MTFR1: variants seen among roughly 807,000 people sequenced by gnomAD.
MTFR1 encodes chondrocyte protein with a poly-proline region.
A neutral mutation model predicts 38.8 loss-of-function variants in MTFR1; 28 were observed. The observed-to-expected ratio is 0.72, with a 90% CI of 0.53 to 0.99. MTFR1 has a LOEUF of 0.99. Ranked by LOEUF, MTFR1 falls within the 50% of genes least tolerant of loss-of-function variation. The pLI, the probability that MTFR1 is intolerant of heterozygous loss-of-function variation, is 0.00. For missense variants in MTFR1, 358 were observed against 395.5 expected (o/e 0.91, Z 0.81); for synonymous variants, 145 against 137.0 (o/e 1.06, Z -0.41).
At chr8:65,674,767 T>G (rs1804664467) in intron 2 of MTFR1, among the ~76,000 whole-genome samples, 2 of 152,202 alleles carry the variant, frequency 1.3e-5, no homozygotes, top group South Asian at 4.1e-4. Context: ...CTTGGCTTAC[T>G]ATGCCAGTGC....
intron 3 of MTFR1, among the ~76,000 whole-genome samples, chr8:65,758,462 T>C (rs1435551160): frequency 2.6e-5 from 4 of 152,174 alleles, no homozygotes; most frequent in African/African-American, 4.8e-5. Context: ...CAAGAATTTA[T>C]AGTCATATCA....
chr8:65,752,193 C>G (rs888193708), intron 3 of MTFR1, among the ~76,000 whole-genome samples: 8 of 152,148 alleles, frequency 5.3e-5, no homozygotes, highest in Admixed American at 4.6e-4. Flanking sequence ...TTGTTAGTTA[C>G]CAGAGCATAT....
At chr8:65,745,592 A>G (rs1209149373) in intron 3 of MTFR1, 7 of 609,754 alleles carry the variant, frequency 1.1e-5, no homozygotes, top group African/African-American at 1.9e-5. Context: ...AAATACAAGT[A>G]TCATTTTTCT....
intron 2 of MTFR1, among the ~76,000 whole-genome samples, chr8:65,673,048 GA>G (rs1402372097): frequency 2.0e-5 from 3 of 152,188 alleles, no homozygotes; most frequent in African/African-American, 7.2e-5. Flanking sequence ...ATTTGGGCCA[GA>G]GACCTAGTTT....
intron 1 of MTFR1, among the ~76,000 whole-genome samples, chr8:65,651,145 C>T (rs763120308): frequency 8.5e-5 from 13 of 152,256 alleles, no homozygotes; most frequent in Non-Finnish European, 1.9e-4. Context: ...TTAGATTATT[C>T]GATTTCTTTC....
intron 3 of MTFR1, among the ~76,000 whole-genome samples, chr8:65,765,244 C>T (rs1808708443): frequency 6.6e-6 from 1 of 151,980 alleles, no homozygotes; most frequent in Non-Finnish European, 1.5e-5. Flanking sequence ...AATCCCAGCA[C>T]TTTGGGAGGC....
At chr8:65,658,095 ATCT>A (rs150706947) in intron 1 of MTFR1, among the ~76,000 whole-genome samples, 2,842 of 152,284 alleles carry the variant, frequency 0.019, 26 homozygotes, top group African/African-American at 0.026. Flanking sequence ...TATTCTATTA[ATCT>A]TCTTATTTTC....
At chr8:65,743,123 G>A (rs1287357583) in intron 3 of MTFR1, among the ~76,000 whole-genome samples, 1 of 151,696 alleles carries the variant, frequency 6.6e-6, no homozygotes, top group Non-Finnish European at 1.5e-5. Flanking sequence ...TAGGCTATGA[G>A]CTGTGAGAGT....
At chr8:65,768,284 T>C (rs1375434044) in intron 3 of MTFR1, among the ~76,000 whole-genome samples, 1 of 152,216 alleles carries the variant, frequency 6.6e-6, no homozygotes, top group Non-Finnish European at 1.5e-5. Flanking sequence ...AATTCTGATA[T>C]GGTTTGGCTG....
chr8:65,696,685 G>C (rs138602195), intron 4 of MTFR1, among the ~76,000 whole-genome samples: 1 of 151,868 alleles, frequency 6.6e-6, no homozygotes, highest in Admixed American at 6.6e-5. Flanking sequence ...TTTTGAGACA[G>C]AGTCTCACTC....
At chr8:65,749,089 GC>G (rs1807813823) in intron 3 of MTFR1, among the ~76,000 whole-genome samples, 1 of 152,144 alleles carries the variant, frequency 6.6e-6, no homozygotes, top group South Asian at 2.1e-4. Context: ...TCAGTACACT[GC>G]CCCTATCTTG....
chr8:65,676,735 A>G (rs1377113843), intron 2 of MTFR1, among the ~76,000 whole-genome samples: 1 of 152,192 alleles, frequency 6.6e-6, no homozygotes, highest in African/African-American at 2.4e-5. Context: ...ATAATAATGT[A>G]TGTAAAACTA....
At chr8:65,768,683 GA>G (rs1434515949) in intron 3 of MTFR1, among the ~76,000 whole-genome samples, 1 of 152,086 alleles carries the variant, frequency 6.6e-6, no homozygotes, top group Non-Finnish European at 1.5e-5. Flanking sequence ...TCCCAGAGAA[GA>G]AAATACTATT....
chr8:65,730,675 T>G (rs907741335), intron 3 of MTFR1, among the ~76,000 whole-genome samples: 13 of 151,814 alleles, frequency 8.6e-5, no homozygotes, highest in Non-Finnish European at 8.8e-5. Context: ...TGCCTGTAAT[T>G]CCAGCACTTT....
intron 3 of MTFR1, chr8:65,726,801 A>G (rs1259004070): frequency 1.3e-6 from 1 of 779,514 alleles, no homozygotes; most frequent in Non-Finnish European, 2.2e-6. Context: ...CAATTTTTAA[A>G]ACTTTATAAA....
At chr8:65,669,162 A>G (rs924315588) in intron 1 of MTFR1, among the ~76,000 whole-genome samples, 6 of 152,134 alleles carry the variant, frequency 3.9e-5, no homozygotes, top group African/African-American at 1.4e-4. Context: ...CCCTTTTGCT[A>G]CGACACGTGA....
intron 3 of MTFR1, chr8:65,734,664 G>C: frequency 3.2e-6 from 2 of 625,394 alleles, no homozygotes; most frequent in African/African-American, 1.8e-5. Context: ...ACTTGATCCA[G>C]CTAGATCTCA....
At chr8:65,688,691 G>A (rs886562297) in intron 3 of MTFR1, among the ~76,000 whole-genome samples, 4 of 150,268 alleles carry the variant, frequency 2.7e-5, no homozygotes, top group Admixed American at 1.3e-4. Context: ...TGATCCGCCC[G>A]CCTTCAGGCT....
intron 1 of MTFR1, among the ~76,000 whole-genome samples, chr8:65,666,702 CG>C (rs936316106): frequency 4.9e-4 from 75 of 152,116 alleles, no homozygotes; most frequent in African/African-American, 1.8e-3. Flanking sequence ...CTGATAATCC[CG>C]GGTACATAAC....
Sources: allele counts gnomAD v4.1 joint callset (sites outside exome capture counted in the v4.1 genomes callset), GRCh38; gene constraint gnomAD v4.1.1; transcripts MANE v1.5; gene names NCBI Gene and HGNC (gene_info 2026-07-23, HGNC 2026-07-21).